Variants in KLHL29 observed in about 807,000 individuals in gnomAD.
KLHL29 encodes the protein kelch-like protein 29.
A neutral mutation model predicts 80.4 loss-of-function variants in KLHL29; 21 were observed. The observed-to-expected ratio is 0.26, with a 90% CI of 0.19 to 0.38. KLHL29 has a LOEUF of 0.38. KLHL29 is among the 10% of genes least tolerant of loss of function. The probability of loss-of-function intolerance (pLI) is 1.00; values close to 1 mark genes in which losing one functional copy is unlikely to be tolerated. For missense variants in KLHL29, 867 were observed against 1,223.9 expected, an observed-to-expected ratio of 0.71 and a Z score of 4.35; for synonymous variants, 511 against 526.8, an observed-to-expected ratio of 0.97 and a Z score of 0.41.
At chr2:23,475,291 C>T (rs1005687628) in intron 1 of KLHL29, among the ~76,000 whole-genome samples, 1 of 145,528 alleles carries the variant, frequency 6.9e-6, no homozygotes, top group Non-Finnish European at 1.5e-5. Context: ...CGGGGGATGC[C>T]TCATATCTGC....
At chr2:23,582,334 A>T (rs750758266) in intron 3 of KLHL29, among the ~76,000 whole-genome samples, 1 of 152,232 alleles carries the variant, frequency 6.6e-6, no homozygotes, top group Admixed American at 6.5e-5. Context: ...AAGTAGGAAA[A>T]TGACAGATTG....
At chr2:23,555,365 G>A (rs1476169911) in intron 2 of KLHL29, among the ~76,000 whole-genome samples, 1 of 152,190 alleles carries the variant, frequency 6.6e-6, no homozygotes, top group Admixed American at 6.5e-5. Context: ...AAAAGTCAGG[G>A]GCTGAGGCTA....
In KLHL29 at chr2:23,613,540, C is replaced by T. The variant is rs1478768988; in HGVS notation, c.286-25599C>T. ...CAGCACTTTGGGAGGCTGAGGTGGG[C>T]GGATCACAAGGTCAGGAATTCAAGA... On this transcript the variant is annotated intron_variant, in intron 3 of 13. Transcript: ENST00000486442. Among the ~76,000 whole-genome samples the T allele has an allele frequency of 5.9e-5, 9 of 151,966 alleles. No individual in the cohort carries two copies. In the East Asian group the frequency reaches 1.5e-3, roughly 26 times the overall value.
At position 23,555,129 on chromosome 2, in the gene KLHL29, CCCT is replaced by C. The variant is rs201644836; in HGVS notation, c.-45-7021_-45-7019del. Among the ~76,000 whole-genome samples the C allele has an allele frequency of 6.0e-4, 88 of 147,042 alleles. No homozygotes were observed. In the East Asian group the frequency reaches 9.0e-3, roughly 15 times the overall value. ...TTTATGGAGGATGACCTCCCCCCCC[CCCT>C]CAACTTGTGTCTCCCAGTGTCCCTG... is the stretch of plus-strand genomic sequence containing the variant. On this transcript the variant is annotated intron_variant, in intron 2 of 13. Coordinates refer to ENST00000486442, the MANE Select transcript of KLHL29 (RefSeq NM_052920.2).
At chr2:23,409,412 C>G (rs2103393947) in intron 1 of KLHL29, among the ~76,000 whole-genome samples, 1 of 152,288 alleles carries the variant, frequency 6.6e-6, no homozygotes, top group East Asian at 1.9e-4. Context: ...TCCCCACATC[C>G]CCACACAGAC....
At chr2:23,578,736 G>A (rs1359717823) in intron 3 of KLHL29, among the ~76,000 whole-genome samples, 2 of 152,150 alleles carry the variant, frequency 1.3e-5, no homozygotes, top group South Asian at 2.1e-4. Flanking sequence ...AAATCCACTC[G>A]CTTTACTGAA....
rs1345088665 is a variant in KLHL29, at chr2:23,696,008, G to A, written c.1799G>A (p.Arg600His). 32 of 1,551,570 alleles carry A rather than the reference G, an allele frequency of 2.1e-5. No homozygotes were observed. Among genetic ancestry groups the A allele is most frequent in the African/African-American group, 4.1e-5 (3 of 73,044 alleles). Residue 600 changes from arginine (R) to histidine (H), a missense_variant, in exon 10 of 14, where the codon CGC becomes CAC. Physicochemically the swap from Arg to His is conservative, Grantham distance 29 (BLOSUM62 0). This residue lies in a region of KLHL29 where 443 missense variants were observed against 767.0 expected (regional missense o/e 0.58). Transcript: ENST00000486442. This position sits in a 1 kb window ranked among gnomAD's most constrained non-coding sequence, Gnocchi z 5.5. ...CGTCAGATGGTGGGGATGACCCAGCGCTCGCTGGTGGCCGTCACCTGCTGG... is the reference window on the plus strand; with the variant it reads ...CGTCAGATGGTGGGGATGACCCAGCACTCGCTGGTGGCCGTCACCTGCTGG... ...GGRQMVGMTQRSLVAVTCWNP... is the reference protein window; with the variant it reads ...GGRQMVGMTQHSLVAVTCWNP...
At chr2:23,659,148 A>G (rs1390335838) in intron 5 of KLHL29, among the ~76,000 whole-genome samples, 1 of 152,194 alleles carries the variant, frequency 6.6e-6, no homozygotes, top group Non-Finnish European at 1.5e-5. Context: ...GCCACCTACC[A>G]GAAAATTGTC....
Position 23,642,748 on chromosome 2 carries a change from GCCACCAATGGGCCCC to G in KLHL29, c.843_857del (p.Asn282_Thr286del). 6 of 1,550,262 alleles carry G rather than the reference GCCACCAATGGGCCCC, an allele frequency of 3.9e-6. No homozygotes were observed. The highest frequency in any genetic ancestry group is 5.2e-6 in the Non-Finnish European group (6 of 1,146,810). ...CGCCACTCTCCCCAGTGGTGCCCCTGCCACCAATGGGCCCCCCACAACCGACTCGGCCCACGGGCT... is the reference window on the plus strand; with the variant it reads ...CGCCACTCTCCCCAGTGGTGCCCCTGCCACAACCGACTCGGCCCACGGGCT... On this transcript the variant is annotated inframe_deletion, in exon 5 of 14. Transcript: ENST00000486442.
intron 3 of KLHL29, among the ~76,000 whole-genome samples, chr2:23,608,647 C>T (rs1668785598): frequency 6.6e-6 from 1 of 152,094 alleles, no homozygotes; most frequent in African/African-American, 2.4e-5. Flanking sequence ...ACTGGAGAAC[C>T]GATGATTTTC....
chr2:23,688,097 G>T (rs1572499923), intron 6 of KLHL29, among the ~76,000 whole-genome samples: 1 of 152,178 alleles, frequency 6.6e-6, no homozygotes, highest in African/African-American at 2.4e-5. Context: ...GACAGGTGTG[G>T]CTTGGAAGCC....
intron 5 of KLHL29, 24 bp downstream of exon 5, chr2:23,642,874 C>T (rs1289944546): frequency 5.8e-6 from 9 of 1,549,930 alleles, no homozygotes; most frequent in East Asian, 2.4e-5. Context: ...CCACGTGCCT[C>T]CCCACGGGCC....
intron 2 of KLHL29, among the ~76,000 whole-genome samples, chr2:23,495,233 C>T (rs1665228101): frequency 6.6e-6 from 1 of 152,048 alleles, no homozygotes; most frequent in Non-Finnish European, 1.5e-5. Flanking sequence ...TGAGGGCCTG[C>T]AGGAGGTGGT....
At position 23,544,970 on chromosome 2, in the gene KLHL29, G is replaced by T. The variant is rs537190948; in HGVS notation, c.-45-17182G>T. ...GCAGGGACTTGGGAGAGATGATCTG[G>T]CTTGTGTTTTAACAGGATCACTCTG... On this transcript the variant is annotated intron_variant, in intron 2 of 13. Transcript: ENST00000486442. Among the ~76,000 whole-genome samples, 4 of 152,284 alleles carry T rather than the reference G, an allele frequency of 2.6e-5. No individual in the cohort carries two copies. The South Asian group carries it at 8.3e-4, about 32-fold the overall frequency.
intron 1 of KLHL29, among the ~76,000 whole-genome samples, chr2:23,443,610 A>G (rs143699364): frequency 3.0e-4 from 45 of 152,292 alleles, no homozygotes; most frequent in African/African-American, 1.1e-3. Flanking sequence ...TTATTCTTCT[A>G]TCCCCTGTAT....
intron 1 of KLHL29, among the ~76,000 whole-genome samples, chr2:23,468,664 C>T (rs566328937): frequency 2.9e-4 from 44 of 152,316 alleles, no homozygotes; most frequent in African/African-American, 1.0e-3. Context: ...TCCAGCCCCC[C>T]GACACCTATA....
intron 6 of KLHL29, among the ~76,000 whole-genome samples, chr2:23,687,818 T>A (rs1041613939): frequency 6.6e-6 from 1 of 152,120 alleles, no homozygotes; most frequent in Non-Finnish European, 1.5e-5. Flanking sequence ...TGAGGGTGGC[T>A]TGCAGGGGAC....
chr2:23,481,213 G>A (rs968894568), intron 2 of KLHL29, among the ~76,000 whole-genome samples: 3 of 152,220 alleles, frequency 2.0e-5, no homozygotes, highest in Admixed American at 2.0e-4. Flanking sequence ...GTGTGGCCAA[G>A]GTCAGAAGCA....
chr2:23,628,606 G>A (rs367885641), intron 3 of KLHL29, among the ~76,000 whole-genome samples: 11 of 152,240 alleles, frequency 7.2e-5, no homozygotes, highest in African/African-American at 2.4e-4. Flanking sequence ...GAGCTGTGAT[G>A]GCACCATTGT....
Sources: allele counts gnomAD v4.1 joint callset (sites outside exome capture counted in the v4.1 genomes callset), GRCh38; gene constraint gnomAD v4.1.1; regional missense constraint gnomAD v4.1.1; non-coding constraint Gnocchi (gnomAD v3.1); transcripts MANE v1.5; gene names NCBI Gene and HGNC (gene_info 2026-07-23, HGNC 2026-07-21).